The following TF variants were observed in gnomAD, a reference collection of about 807,000 sequenced individuals.
TF encodes serotransferrin.
TF carries 55 observed loss-of-function variants against 82.4 expected under a neutral mutation model. That is an observed-to-expected ratio of 0.67 (90% CI 0.54 to 0.84). TF has a LOEUF of 0.84. Among genes scored for constraint, TF ranks in the 40% least tolerant of loss-of-function variants. The probability of loss-of-function intolerance (pLI) is 0.00; values close to 1 mark genes in which losing one functional copy is unlikely to be tolerated. For missense variants in TF, 737 were observed against 868.4 expected (o/e 0.85, Z 1.90); for synonymous variants, 332 against 332.6 (o/e 1.00, Z 0.02).
At chr3:133,703,023 A>G in the TF span, among the ~76,000 whole-genome samples, 2 of 152,170 alleles carry the variant, frequency 1.3e-5, no homozygotes, top group East Asian at 3.8e-4. Context: ...ATAATGAAAC[A>G]CTCATTTAAA....
At chr3:133,732,758 C>T in the TF span, among the ~76,000 whole-genome samples, 11 of 152,178 alleles carry the variant, frequency 7.2e-5, no homozygotes, top group Non-Finnish European at 1.6e-4. Flanking sequence ...CTGTAACACT[C>T]GCTGCAAGGG....
At position 133,787,898 on chromosome 3, in the gene TF, A is replaced by G. The variant is rs576263078; in HGVS notation, c.*9278A>G. ...TTTTGTACACTTTGTGTTAACGTTT[A>G]TAAAAAGACTATCTTCTGAAAACGA... On this transcript the variant is annotated 3_prime_UTR_variant, in exon 17 of 17. Coordinates refer to ENST00000402696, the MANE Select transcript of TF (RefSeq NM_001063.4). The G allele has an allele frequency of 2.0e-5, 3 of 152,378 alleles. No homozygotes were observed. The South Asian group carries it at 6.2e-4, about 32-fold the overall frequency. 9.4% of individuals were successfully genotyped at this position (152,378 alleles called of 1,614,324 possible). A position where few individuals can be genotyped will look rare whatever the true frequency, so the allele number is the denominator to read the frequency against.
the TF span, among the ~76,000 whole-genome samples, chr3:133,681,306 A>C: frequency 2.0e-5 from 3 of 152,200 alleles, no homozygotes; most frequent in African/African-American, 7.2e-5. Flanking sequence ...CTGCATTTCC[A>C]ACTGAGGTAC....
chr3:133,766,394 A>G lies in TF; in HGVS notation c.1447A>G (p.Met483Val). The G allele has an allele frequency of 6.2e-7, 1 of 1,614,200 alleles. No individual in the cohort carries two copies. Among genetic ancestry groups the G allele is most frequent in the Non-Finnish European group, 8.5e-7 (1 of 1,180,028 alleles). Residue 483 changes from methionine to valine, a missense_variant, in exon 12 of 17, where the codon ATG (methionine) becomes GTG (valine). Coordinates refer to ENST00000402696, the MANE Select transcript of TF (RefSeq NM_001063.4). Reference protein sequence around the residue: ...VGRTAGWNIPMGLLYNKINHC... With the variant: ...VGRTAGWNIPVGLLYNKINHC... ...CAGAACCGCTGGCTGGAACATCCCC[A>G]TGGGCCTGCTCTACAATAAGATCAA...
the TF span, among the ~76,000 whole-genome samples, chr3:133,735,062 T>TG: frequency 6.6e-6 from 1 of 152,032 alleles, no homozygotes; most frequent in Non-Finnish European, 1.5e-5. Context: ...GAGTATTAGA[T>TG]GATAATAAGA....
chr3:133,753,974 C>T (rs549669435), intron 3 of TF: 5 of 565,218 alleles, frequency 8.8e-6, no homozygotes, highest in South Asian at 8.0e-5. Flanking sequence ...TGCAGCTTGA[C>T]CTGAAGGCTA....
the TF span, among the ~76,000 whole-genome samples, chr3:133,714,280 G>A: frequency 6.6e-6 from 1 of 152,132 alleles, no homozygotes; most frequent in South Asian, 2.1e-4. Context: ...AGGTATTGTG[G>A]GCAGTGCTGG....
rs745790067 is a variant in TF at position 133,795,570 on chromosome 3, A to AT, written c.*16973dup. ...GTGAGAACCTGACCAAAAAAGTGGA[A>AT]TTTTTTTTTTTTTTTTTTTTTTTGA... On this transcript the variant is annotated 3_prime_UTR_variant, in exon 17 of 17. Coordinates refer to ENST00000402696, the MANE Select transcript of TF (RefSeq NM_001063.4). The AT allele has an allele frequency of 0.024, 2,364 of 98,316 alleles. 59 individuals are homozygous for AT. Among genetic ancestry groups the AT allele is most frequent in the African/African-American group, 0.062 (1,465 of 23,590 alleles). 6.1% of individuals were successfully genotyped at this position (98,316 alleles called of 1,614,324 possible).
At chr3:133,754,933 G>A (rs866993659) in intron 4 of TF, among the ~76,000 whole-genome samples, 13 of 152,342 alleles carry the variant, frequency 8.5e-5, no homozygotes, top group African/African-American at 3.1e-4. Context: ...TCGGCAGAGG[G>A]TTTCAGTCTA....
chr3:133,748,608 G>C (rs1171309434), intron 2 of TF, 24 bp downstream of exon 2: 1 of 1,613,586 alleles, frequency 6.2e-7, no homozygotes, highest in Non-Finnish European at 8.5e-7. Context: ...GCCTAAAAGA[G>C]AGTGGAAGAA....
the TF span, among the ~76,000 whole-genome samples, chr3:133,714,018 G>C: frequency 6.6e-6 from 1 of 152,204 alleles, no homozygotes; most frequent in African/African-American, 2.4e-5. Context: ...TCAGCAACCA[G>C]TTTTAGAAAT....
In TF at chr3:133,779,972, G is replaced by A. The variant is rs1476564083; in HGVS notation, c.*1352G>A. 1 of 152,160 alleles carries A rather than the reference G, an allele frequency of 6.6e-6. No individual in the cohort carries two copies. Among genetic ancestry groups the A allele is most frequent in the Non-Finnish European group, 1.5e-5 (1 of 68,050 alleles). 9.4% of individuals were successfully genotyped at this position (152,160 alleles called of 1,614,324 possible). On this transcript the variant is annotated 3_prime_UTR_variant, in exon 17 of 17. Transcript: ENST00000402696. ...CATTTTCCCTCACACTACATCCAGC[G>A]TCACCAAGTTCTGTTGATTTTGCTT...
At chr3:133,732,650 T>G in the TF span, among the ~76,000 whole-genome samples, 4 of 152,234 alleles carry the variant, frequency 2.6e-5, no homozygotes, top group Admixed American at 6.5e-5. Flanking sequence ...CAGCTTCATT[T>G]CTGAAGTCAG....
the TF span, among the ~76,000 whole-genome samples, chr3:133,681,891 C>T: frequency 2.4e-3 from 366 of 152,322 alleles, 1 homozygote; most frequent in African/African-American, 8.3e-3. Flanking sequence ...TGAGAATGGA[C>T]AGACTGCCTC....
At chr3:133,736,630 C>CAAAAA in the TF span, among the ~76,000 whole-genome samples, 1 of 12,568 alleles carries the variant, frequency 8.0e-5, no homozygotes, top group African/African-American at 5.1e-4. Context: ...AAATGGAAAG[C>CAAAAA]CAAAAAAAAA....
the TF span, among the ~76,000 whole-genome samples, chr3:133,685,329 A>G: frequency 3.9e-5 from 6 of 152,200 alleles, no homozygotes; most frequent in African/African-American, 4.8e-5. Flanking sequence ...CCTATTCAAC[A>G]TAGTGTTGGA....
chr3:133,715,820 C>T, the TF span, among the ~76,000 whole-genome samples: 2 of 152,196 alleles, frequency 1.3e-5, no homozygotes, highest in African/African-American at 4.8e-5. Flanking sequence ...CCCCTTGGTA[C>T]ACCACCGACC....
At chr3:133,709,741 T>C in the TF span, 31 of 152,850 alleles carry the variant, frequency 2.0e-4, no homozygotes, top group African/African-American at 7.5e-4. Flanking sequence ...GAAATTCAGT[T>C]TGATGAATGG....
the TF span, chr3:133,704,334 C>T: frequency 6.7e-5 from 15 of 222,666 alleles, 2 homozygotes; most frequent in African/African-American, 2.8e-4. Flanking sequence ...GGGGAGTGTC[C>T]GTCTCCATTT....
Sources: allele counts gnomAD v4.1 joint callset (sites outside exome capture counted in the v4.1 genomes callset), GRCh38; gene constraint gnomAD v4.1.1; transcripts MANE v1.5; gene names NCBI Gene and HGNC (gene_info 2026-07-23, HGNC 2026-07-21).